HS2ST1: variants seen among roughly 807,000 people sequenced by gnomAD.
HS2ST1 encodes the protein 2-O-sulfotransferase.
Under a neutral mutation model 42.9 loss-of-function variants are expected in HS2ST1, and 18 were observed. The ratio of observed to expected loss-of-function variants is 0.42; its 90% CI spans 0.29 to 0.62. The LOEUF (loss-of-function observed/expected upper bound fraction) is 0.62. Among genes scored for constraint, HS2ST1 ranks in the 20% least tolerant of loss-of-function variants. The pLI, the probability that HS2ST1 is intolerant of heterozygous loss-of-function variation, is 0.21. For synonymous variants in HS2ST1, 146 were observed against 152.9 expected (o/e 0.95, Z 0.33); for missense variants, 334 against 433.8 (o/e 0.77, Z 2.04).
chr1:86,921,065 AT>A (rs1280726698), intron 1 of HS2ST1, among the ~76,000 whole-genome samples: 1 of 151,434 alleles, frequency 6.6e-6, no homozygotes, highest in Non-Finnish European at 1.5e-5. Context: ...TACATGATAA[AT>A]ATATACAGTT....
intron 4 of HS2ST1, among the ~76,000 whole-genome samples, chr1:87,094,636 A>T (rs1479965018): frequency 6.6e-6 from 1 of 152,042 alleles, no homozygotes; most frequent in Non-Finnish European, 1.5e-5. Context: ...GCAACATGTC[A>T]CTCGACATTT....
chr1:86,957,384 C>T (rs1402418332), intron 1 of HS2ST1, among the ~76,000 whole-genome samples: 3 of 152,166 alleles, frequency 2.0e-5, no homozygotes. Flanking sequence ...CAGATTTAAA[C>T]TCCAGCAGTC....
chr1:87,042,523 TG>T, intron 1 of HS2ST1, among the ~76,000 whole-genome samples: 1 of 152,260 alleles, frequency 6.6e-6, no homozygotes, highest in South Asian at 2.1e-4. Context: ...AAAATAAAAA[TG>T]AAAAACCCAT....
At chr1:87,002,148 G>A (rs1461235839) in intron 1 of HS2ST1, among the ~76,000 whole-genome samples, 1 of 151,908 alleles carries the variant, frequency 6.6e-6, no homozygotes, top group Non-Finnish European at 1.5e-5. Flanking sequence ...TCCTGACCTC[G>A]TGATCCACCC....
intron 1 of HS2ST1, among the ~76,000 whole-genome samples, chr1:86,995,362 A>G (rs1649069293): frequency 6.6e-6 from 1 of 152,180 alleles, no homozygotes. Flanking sequence ...TTAATAATTT[A>G]CCAGGATTTG....
intron 1 of HS2ST1, among the ~76,000 whole-genome samples, chr1:86,931,561 T>G (rs1484727720): frequency 2.6e-5 from 4 of 152,192 alleles, no homozygotes; most frequent in African/African-American, 7.2e-5. Context: ...AGTGAAAGTT[T>G]TATTAAATAA....
intron 1 of HS2ST1, among the ~76,000 whole-genome samples, chr1:87,034,519 A>G (rs1650322045): frequency 6.6e-6 from 1 of 152,220 alleles, no homozygotes; most frequent in South Asian, 2.1e-4. Context: ...TTTTGTAAAT[A>G]TGGAACCATT....
intron 1 of HS2ST1, among the ~76,000 whole-genome samples, chr1:86,968,892 T>G (rs1648146991): frequency 6.6e-6 from 1 of 152,228 alleles, no homozygotes; most frequent in African/African-American, 2.4e-5. Context: ...TCTCTCATAT[T>G]TGTGTGGAGA....
chr1:86,928,385 A>G (rs1000078144), intron 1 of HS2ST1, among the ~76,000 whole-genome samples: 2 of 152,016 alleles, frequency 1.3e-5, no homozygotes, highest in African/African-American at 4.8e-5. Context: ...ACAAACTGAA[A>G]CTGGCTCAGG....
At chr1:87,099,113 C>T (rs1043537305) in intron 5 of HS2ST1, among the ~76,000 whole-genome samples, 1 of 152,164 alleles carries the variant, frequency 6.6e-6, no homozygotes, top group Admixed American at 6.5e-5. Context: ...TTTATTGAAA[C>T]ACAGCCACAT....
chr1:86,964,643 C>T (rs1005572765), intron 1 of HS2ST1, among the ~76,000 whole-genome samples: 1 of 152,198 alleles, frequency 6.6e-6, no homozygotes, highest in Admixed American at 6.5e-5. Context: ...AGAGGGAGAC[C>T]GTGGGGAGAG....
At chr1:87,032,323 T>G (rs1650259814) in intron 1 of HS2ST1, among the ~76,000 whole-genome samples, 1 of 152,106 alleles carries the variant, frequency 6.6e-6, no homozygotes, top group Non-Finnish European at 1.5e-5. Context: ...TTAAAAACAG[T>G]GTTGGGTGAG....
At chr1:87,018,819 A>AGAGT (rs1175145100) in intron 1 of HS2ST1, among the ~76,000 whole-genome samples, 13 of 152,230 alleles carry the variant, frequency 8.5e-5, no homozygotes, top group Middle Eastern at 3.4e-3. Flanking sequence ...CTTAGTAGCC[A>AGAGT]ATCTCTGGTT....
intron 1 of HS2ST1, among the ~76,000 whole-genome samples, chr1:86,971,792 C>T (rs772735821): frequency 1.5e-4 from 22 of 151,552 alleles, no homozygotes; most frequent in Non-Finnish European, 2.5e-4. Flanking sequence ...AATGTTAATA[C>T]GTATTAATAT....
chr1:86,986,824 T>A (rs1648797898), intron 1 of HS2ST1, among the ~76,000 whole-genome samples: 1 of 152,160 alleles, frequency 6.6e-6, no homozygotes, highest in Non-Finnish European at 1.5e-5. Context: ...TCGTTTTAGT[T>A]TTCTCATCCC....
Position 87,041,225 on chromosome 1 carries a change from T to TAA in HS2ST1, c.125-31695_125-31694dup, listed in dbSNP as rs1174731806. 6.6e-3 allele frequency among the ~76,000 whole-genome samples: 164 copies of TAA among 24,858 alleles called. 11 individuals are homozygous for TAA. Among genetic ancestry groups the TAA allele is most frequent in the Non-Finnish European group, 0.011 (126 of 11,894 alleles). 16.3% of individuals were successfully genotyped at this position (24,858 alleles called of 152,430 possible). A position where few individuals can be genotyped will look rare whatever the true frequency, so the allele number is the denominator to read the frequency against. On this transcript the variant is annotated intron_variant, in intron 1 of 6. Coordinates refer to ENST00000370550, the MANE Select transcript of HS2ST1 (RefSeq NM_012262.4). ...AAAAATAGCGAGACCTTGTCTCTAC[T>TAA]AAAAAAAAAAAAAAACAAAAAAAAA...
intron 1 of HS2ST1, among the ~76,000 whole-genome samples, chr1:87,025,810 AT>A (rs1444028523): frequency 3.9e-5 from 6 of 152,122 alleles, no homozygotes; most frequent in Admixed American, 3.9e-4. Flanking sequence ...TCTTTATTGC[AT>A]GTGATTCTTC....
intron 1 of HS2ST1, among the ~76,000 whole-genome samples, chr1:86,940,669 C>T (rs982191369): frequency 2.0e-5 from 3 of 152,096 alleles, no homozygotes; most frequent in Non-Finnish European, 4.4e-5. Flanking sequence ...AACTAAAATT[C>T]TCATATGACT....
intron 1 of HS2ST1, among the ~76,000 whole-genome samples, chr1:87,068,496 T>C (rs1210459373): frequency 6.6e-6 from 1 of 152,236 alleles, no homozygotes; most frequent in Non-Finnish European, 1.5e-5. Flanking sequence ...AATCATGTCA[T>C]CTGCAAACAG....
Sources: allele counts gnomAD v4.1 joint callset (sites outside exome capture counted in the v4.1 genomes callset), GRCh38; gene constraint gnomAD v4.1.1; transcripts MANE v1.5; gene names NCBI Gene and HGNC (gene_info 2026-07-23, HGNC 2026-07-21).